The following TRPM1 variants were observed in gnomAD, a reference collection of about 807,000 sequenced individuals.
TRPM1 encodes the protein TRPM1-203 APA Isoform, Intron 10.
Under a neutral mutation model 149.4 loss-of-function variants are expected in TRPM1, and 113 were observed. The ratio of observed to expected loss-of-function variants is 0.76; its 90% CI spans 0.65 to 0.88. TRPM1 has a LOEUF of 0.88. TRPM1 is among the 40% of genes least tolerant of loss of function. The probability of loss-of-function intolerance (pLI) is 0.00; values close to 1 mark genes in which losing one functional copy is unlikely to be tolerated. For missense variants in TRPM1, 1,976 were observed against 2,038.7 expected (o/e 0.97, Z 0.59); for synonymous variants, 741 against 759.5 (o/e 0.98, Z 0.40).
intron 27 of TRPM1, among the ~76,000 whole-genome samples, chr15:31,004,647 T>G (rs777668256): frequency 6.6e-6 from 1 of 152,144 alleles, no homozygotes; most frequent in African/African-American, 2.4e-5. Flanking sequence ...AAATTCACCA[T>G]GCATGAGAAG....
At chr15:31,017,023 G>A (rs1470016925) in intron 27 of TRPM1, among the ~76,000 whole-genome samples, 1 of 151,736 alleles carries the variant, frequency 6.6e-6, no homozygotes, top group Non-Finnish European at 1.5e-5. Context: ...TAAGAAAGTC[G>A]GCCGGTTGTG....
intron 1 of TRPM1, among the ~76,000 whole-genome samples, chr15:31,110,768 G>A (rs1188531431): frequency 2.0e-5 from 3 of 152,096 alleles, no homozygotes; most frequent in East Asian, 1.9e-4. Context: ...ATCAGTGGGA[G>A]GATCGAAATT....
In TRPM1 at chr15:31,003,213, C is replaced by T. The variant is rs554507125; in HGVS notation, c.3630-143G>A. 93 of 723,438 alleles carry T rather than the reference C, an allele frequency of 1.3e-4. No individual in the cohort carries two copies. The African/African-American group carries it at 1.5e-3, about 12-fold the overall frequency. The allele number at this position is 723,438 out of a possible 1,614,324, so 44.8% of individuals were successfully genotyped here. On this transcript the variant is annotated intron_variant, in intron 27 of 27. Transcript: ENST00000256552. ...GTATATTTACAAGCTTCACAATCCCCTAACATGACTACTCGAATTACCATG... is the reference window on the plus strand; with the variant it reads ...GTATATTTACAAGCTTCACAATCCCTTAACATGACTACTCGAATTACCATG...
In TRPM1 at chr15:31,119,884, C is replaced by A. The variant is rs73375963; in HGVS notation, c.54+41022G>T. ...ATTAATATGGTAAGAGAAGAGAGAA[C>A]GTGGAATTTTATAAAATGCTCAATT... On this transcript the variant is annotated intron_variant, in intron 1 of 26. Transcript: ENST00000542188. Among the ~76,000 whole-genome samples, 316 of 151,812 alleles carry A rather than the reference C, an allele frequency of 2.1e-3. 2 individuals are homozygous for A. The highest frequency in any genetic ancestry group is 7.2e-3 in the African/African-American group (300 of 41,436).
At chr15:31,145,169 A>G (rs1322867080) in intron 1 of TRPM1, among the ~76,000 whole-genome samples, 1 of 152,210 alleles carries the variant, frequency 6.6e-6, no homozygotes, top group Non-Finnish European at 1.5e-5. Flanking sequence ...AACTTGATAT[A>G]AATCTCAAGG....
At chr15:31,087,115 C>T (rs891147808) in intron 1 of TRPM1, among the ~76,000 whole-genome samples, 2 of 150,868 alleles carry the variant, frequency 1.3e-5, no homozygotes, top group Non-Finnish European at 2.9e-5. Flanking sequence ...AAAACTTGTT[C>T]ATTGCTGGCA....
chr15:31,114,814 G>A (rs2035775103), intron 1 of TRPM1, among the ~76,000 whole-genome samples: 1 of 152,150 alleles, frequency 6.6e-6, no homozygotes, highest in Non-Finnish European at 1.5e-5. Flanking sequence ...ACTTAACAAA[G>A]AGCTTTCTTC....
At chr15:31,062,551 T>C (rs1474132315) in intron 9 of TRPM1, 28 bp downstream of exon 9, 2 of 1,613,660 alleles carry the variant, frequency 1.2e-6, no homozygotes, top group Admixed American at 3.3e-5. Context: ...CCACAGAGCT[T>C]GTTTGGAAAT....
intron 1 of TRPM1, among the ~76,000 whole-genome samples, chr15:31,155,310 GGGAGACTGCAGTGGGGGAGCTT>G (rs2036354237): frequency 6.6e-6 from 1 of 152,184 alleles, no homozygotes; most frequent in Non-Finnish European, 1.5e-5. Context: ...TCTGAAGAGT[GGGAGACTGCAGTGGGGGAGCTT>G]GGTGAAGGAG....
At chr15:31,142,915 TC>T (rs1567077571) in intron 1 of TRPM1, among the ~76,000 whole-genome samples, 2 of 152,228 alleles carry the variant, frequency 1.3e-5, no homozygotes, top group Non-Finnish European at 2.9e-5. Context: ...TTTCTAGAAA[TC>T]TGATGTGTTA....
chr15:31,089,048 A>G (rs759575429), intron 1 of TRPM1, among the ~76,000 whole-genome samples: 3 of 152,250 alleles, frequency 2.0e-5, no homozygotes, highest in Admixed American at 1.3e-4. Flanking sequence ...TCAGAAATCC[A>G]GTAATTAGGA....
intron 1 of TRPM1, among the ~76,000 whole-genome samples, chr15:31,100,597 A>C (rs538114163): frequency 1.2e-4 from 19 of 152,346 alleles, no homozygotes; most frequent in Non-Finnish European, 2.1e-4. Context: ...CAAAAAATGT[A>C]GAAATGTACA....
chr15:31,046,731 C>T (rs972071148), intron 15 of TRPM1, among the ~76,000 whole-genome samples: 15 of 152,136 alleles, frequency 9.9e-5, no homozygotes, highest in African/African-American at 1.7e-4. Context: ...AGTTTGGATA[C>T]GATTCTCCAG....
At chr15:31,133,116 C>T (rs1183000662) in intron 1 of TRPM1, among the ~76,000 whole-genome samples, 3 of 152,194 alleles carry the variant, frequency 2.0e-5, no homozygotes, top group African/African-American at 7.2e-5. Flanking sequence ...TTTAGAGACA[C>T]TGACCCTGGG....
At chr15:31,057,599 T>C (rs1399930463) in intron 11 of TRPM1, among the ~76,000 whole-genome samples, 2 of 152,242 alleles carry the variant, frequency 1.3e-5, no homozygotes, top group Non-Finnish European at 2.9e-5. Flanking sequence ...ATGGCATTTT[T>C]AAGGTAATAT....
In TRPM1 at chr15:31,066,056, G is replaced by T. The variant is rs151313855; in HGVS notation, c.790+20C>A. The T allele has an allele frequency of 6.2e-7, 1 of 1,612,284 alleles. No individual in the cohort carries two copies. Among genetic ancestry groups the T allele is most frequent in the Non-Finnish European group, 8.5e-7 (1 of 1,178,522 alleles). On this transcript the variant is annotated intron_variant, in intron 7 of 27. Coordinates refer to ENST00000256552, the MANE Select transcript of TRPM1 (RefSeq NM_001252024.2). ...GATGGCATCAGCCCAGGAGGACTGC[G>T]TGCCTTTGCCAGCACTTACTTGTGT... is the stretch of plus-strand genomic sequence containing the variant.
chr15:31,123,827 G>T (rs74010779), intron 1 of TRPM1, among the ~76,000 whole-genome samples: 4,406 of 152,236 alleles, frequency 0.029, 215 homozygotes, highest in African/African-American at 0.1. Context: ...CAGAAAATGG[G>T]CTCCTAGGCA....
intron 27 of TRPM1, among the ~76,000 whole-genome samples, chr15:31,006,166 A>ATTTCC (rs1555415541): frequency 6.6e-6 from 1 of 151,616 alleles, no homozygotes; most frequent in Admixed American, 6.6e-5. Flanking sequence ...TCTCTTAAAG[A>ATTTCC]TTTCTTTTCT....
At chr15:31,104,785 T>A (rs112943435), upstream of TRPM1, among the ~76,000 whole-genome samples, 3,598 of 151,804 alleles carry the variant, frequency 0.024, 44 homozygotes, top group Middle Eastern at 0.031. Context: ...TAATAGAGAC[T>A]GGGTTTCACC....
Sources: allele counts gnomAD v4.1 joint callset (sites outside exome capture counted in the v4.1 genomes callset), GRCh38; gene constraint gnomAD v4.1.1; transcripts MANE v1.5; gene names NCBI Gene and HGNC (gene_info 2026-07-23, HGNC 2026-07-21).